The following DHRSX variants were observed in gnomAD, a reference collection of about 807,000 sequenced individuals.
DHRSX encodes polyprenol dehydrogenase.
Under a neutral mutation model 34.0 loss-of-function variants are expected in DHRSX, and 31 were observed. The ratio of observed to expected loss-of-function variants is 0.91; its 90% CI spans 0.69 to 1.23. DHRSX has a LOEUF of 1.23. Among genes scored for constraint, DHRSX ranks in the 50% most tolerant of loss-of-function variants. The probability of loss-of-function intolerance (pLI) is 0.00; values close to 1 mark genes in which losing one functional copy is unlikely to be tolerated. For synonymous variants in DHRSX, 201 were observed against 183.8 expected (o/e 1.09, Z -0.76); for missense variants, 414 against 428.1 (o/e 0.97, Z 0.29).
At chrX:2,416,583 T>C (rs2043696305) in intron 2 of DHRSX, among the ~76,000 whole-genome samples, 1 of 152,162 alleles carries the variant, frequency 6.6e-6, no homozygotes, top group Non-Finnish European at 1.5e-5. Flanking sequence ...GCAGAGCTCA[T>C]AGTTATGAGA....
At chrX:2,294,812 AAGAGAGGGAGAG>A (rs1258111651) in intron 3 of DHRSX, among the ~76,000 whole-genome samples, 4 of 150,680 alleles carry the variant, frequency 2.7e-5, no homozygotes, top group African/African-American at 9.7e-5. Flanking sequence ...AGAGAGGAAA[AAGAGAGGGAGAG>A]AGAGAGGGAG....
intron 1 of DHRSX, among the ~76,000 whole-genome samples, chrX:2,484,478 C>T (rs926118194): frequency 2.6e-5 from 4 of 152,092 alleles, no homozygotes; most frequent in South Asian, 2.1e-4. Flanking sequence ...CCCTGAAACC[C>T]GAAAGCTTCC....
At chrX:2,490,199 G>C (rs1393748618) in intron 1 of DHRSX, 8 of 1,613,994 alleles carry the variant, frequency 5.0e-6, no homozygotes, top group Non-Finnish European at 6.8e-6. Context: ...GTACTTCTCA[G>C]GGATGGCCTT....
intron 5 of DHRSX, among the ~76,000 whole-genome samples, chrX:2,265,120 T>C (rs1185236524): frequency 1.6e-3 from 120 of 74,354 alleles, no homozygotes; most frequent in East Asian, 4.8e-3. Flanking sequence ...GCACCAGTGC[T>C]CAGCAGACGC....
intron 3 of DHRSX, among the ~76,000 whole-genome samples, chrX:2,331,442 T>TTTTTG (rs1569490008): frequency 2.9e-5 from 2 of 68,590 alleles, no homozygotes; most frequent in Non-Finnish European, 5.8e-5. Flanking sequence ...TTTGGTTTTT[T>TTTTTG]TTTTTTTTTT....
intron 1 of DHRSX, chrX:2,490,795 C>T: frequency 6.5e-7 from 1 of 1,550,094 alleles, no homozygotes; most frequent in Non-Finnish European, 8.7e-7. Flanking sequence ...AAGACAAACA[C>T]AGCATGAGAA....
chrX:2,341,857 C>T (rs185824755), intron 3 of DHRSX, among the ~76,000 whole-genome samples: 4 of 150,156 alleles, frequency 2.7e-5, no homozygotes, highest in East Asian at 1.9e-4. Context: ...CAGGCTGGAG[C>T]GCAATGGCGT....
rs28713558 is a variant in DHRSX at position 2,350,868 on chromosome X, G to A, written c.286+57877C>T. ...TGATAAGACTGGATAAAGAAAATGT[G>A]GTATGTAGACACTATGGAATACTAT... On this transcript the variant is annotated intron_variant, in intron 3 of 6. Coordinates refer to ENST00000334651, the MANE Select transcript of DHRSX (RefSeq NM_145177.3). 3.5e-3 allele frequency among the ~76,000 whole-genome samples: 535 copies of A among 152,170 alleles called. 7 individuals are homozygous for A. The highest frequency in any genetic ancestry group is 0.03 in the East Asian group (156 of 5,188).
At chrX:2,231,711 TC>T (rs1157930878) in intron 6 of DHRSX, among the ~76,000 whole-genome samples, 26 of 148,998 alleles carry the variant, frequency 1.7e-4, no homozygotes, top group African/African-American at 6.1e-4. Context: ...TCTCTATTCC[TC>T]TTTTTTTCTC....
At chrX:2,462,195 A>G (rs1366135780) in intron 1 of DHRSX, among the ~76,000 whole-genome samples, 1 of 151,966 alleles carries the variant, frequency 6.6e-6, no homozygotes, top group Non-Finnish European at 1.5e-5. Flanking sequence ...AAAAAAAAAA[A>G]AAAAGAAAAA....
intron 1 of DHRSX, among the ~76,000 whole-genome samples, chrX:2,460,775 G>T (rs983809402): frequency 1.3e-5 from 2 of 152,032 alleles, no homozygotes; most frequent in Non-Finnish European, 2.9e-5. Flanking sequence ...TAGAGACAAG[G>T]TCTCATTATG....
Position 2,403,379 on chromosome X carries a change from C to G in DHRSX, c.286+5366G>C, listed in dbSNP as rs1313418741. Among the ~76,000 whole-genome samples the G allele has an allele frequency of 3.3e-5, 5 of 152,256 alleles. No homozygotes were observed. The East Asian group carries it at 9.6e-4, about 29-fold the overall frequency. On this transcript the variant is annotated intron_variant, in intron 3 of 6. Transcript: ENST00000334651. ...ACAGCCACAGAAAGTGCAAACGATT[C>G]TTTTCTTCTTTTCTGTAAGATTGGC...
chrX:2,449,280 T>C (rs1280381827), intron 1 of DHRSX, among the ~76,000 whole-genome samples: 2 of 151,040 alleles, frequency 1.3e-5, no homozygotes. Flanking sequence ...AAGCGGCGAG[T>C]GTTCCCAGTT....
At chrX:2,492,028 A>C (rs1004679240) in intron 1 of DHRSX, among the ~76,000 whole-genome samples, 1 of 152,188 alleles carries the variant, frequency 6.6e-6, no homozygotes, top group Admixed American at 6.5e-5. Flanking sequence ...AGGAGGGTAA[A>C]TATCAAAATG....
chrX:2,340,879 A>T (rs1251885524), intron 3 of DHRSX, among the ~76,000 whole-genome samples: 1 of 152,106 alleles, frequency 6.6e-6, no homozygotes, highest in Non-Finnish European at 1.5e-5. Flanking sequence ...AATGGGACCT[A>T]TGAAAAGATG....
chrX:2,336,003 TTTTG>T (rs1297259834), intron 3 of DHRSX, among the ~76,000 whole-genome samples: 1 of 151,926 alleles, frequency 6.6e-6, no homozygotes, highest in African/African-American at 2.4e-5. Context: ...ATGCTTTTGT[TTTTG>T]TTTTTGTTTT....
intron 1 of DHRSX, among the ~76,000 whole-genome samples, chrX:2,493,331 C>A (rs778439997): frequency 3.4e-4 from 51 of 152,206 alleles, no homozygotes; most frequent in South Asian, 1.2e-3. Context: ...TCATCATCAT[C>A]ATATTATTAT....
chrX:2,495,169 T>A (rs767426387), intron 1 of DHRSX, among the ~76,000 whole-genome samples: 1 of 150,890 alleles, frequency 6.6e-6, no homozygotes, highest in African/African-American at 2.4e-5. Context: ...CTGAAAGAAG[T>A]CACAGTACCC....
intron 3 of DHRSX, among the ~76,000 whole-genome samples, chrX:2,365,327 G>T (rs140277488): frequency 0.011 from 1,663 of 152,136 alleles, 38 homozygotes; most frequent in African/African-American, 0.038. Context: ...TTTAGTAGAG[G>T]CAGGGTTTCA....
Sources: gnomAD v4.1 joint callset for allele counts (sites outside exome capture counted in the v4.1 genomes callset) on GRCh38, gnomAD v4.1.1 for gene constraint, MANE v1.5 for transcripts, NCBI Gene and HGNC (gene_info 2026-07-23, HGNC 2026-07-21) for gene names.